The following AJAP1 variants were observed in gnomAD, a reference collection of about 807,000 sequenced individuals.
The protein encoded by AJAP1 is adherens junction-associated protein 1.
AJAP1 carries 5 observed loss-of-function variants against 35.0 expected under a neutral mutation model. The observed-to-expected ratio is 0.14, with a 90% CI of 0.07 to 0.30. AJAP1 has a LOEUF of 0.30. AJAP1 is among the 10% of genes least tolerant of loss of function. The pLI is 1.00. For synonymous variants in AJAP1, 284 were observed against 249.3 expected, an observed-to-expected ratio of 1.14 and a Z score of -1.31; for missense variants, 586 against 571.0, an observed-to-expected ratio of 1.03 and a Z score of -0.27.
chr1:4,727,657 G>T (rs1407991180), intron 2 of AJAP1, among the ~76,000 whole-genome samples: 3 of 152,214 alleles, frequency 2.0e-5, no homozygotes, highest in Non-Finnish European at 4.4e-5. Flanking sequence ...CTGCACCTCT[G>T]TGGAATCCCT....
rs559269335 is a variant in AJAP1 at position 4,711,886 on chromosome 1, TC to T, written c.30-7del. The T allele has an allele frequency of 2.1e-5, 31 of 1,444,960 alleles. No individual in the cohort carries two copies. The highest frequency in any genetic ancestry group is 3.0e-5 in the South Asian group (2 of 65,774). The allele number at this position is 1,444,960 out of a possible 1,614,324, so 89.5% of individuals were successfully genotyped here. Reference sequence around the variant, plus strand: ...TTCCACTGACCGCTCTTCTCTCCTTTCCCCCCCGCACAGCTCCATGTCCATC... The same window carrying T: ...TTCCACTGACCGCTCTTCTCTCCTTTCCCCCCGCACAGCTCCATGTCCATC... On this transcript the variant is annotated splice_polypyrimidine_tract_variant and intron_variant, in intron 1 of 5. Transcript: ENST00000378191.
chr1:4,721,258 A>G lies in AJAP1; in HGVS notation c.829+8559A>G, dbSNP rs570225161. ...TGACTCCAGGACTGTGGCACTTTCC[A>G]TGATTCTAGGGGTGCTCTTTGGGGC... is the stretch of plus-strand genomic sequence containing the variant. On this transcript the variant is annotated intron_variant, in intron 2 of 5. Coordinates refer to ENST00000378191, the MANE Select transcript of AJAP1 (RefSeq NM_018836.4). Among the ~76,000 whole-genome samples the G allele has an allele frequency of 3.3e-5, 5 of 152,256 alleles. No homozygotes were observed. The East Asian group carries it at 9.7e-4, about 30-fold the overall frequency.
At chr1:4,755,245 T>C (rs920333521) in intron 2 of AJAP1, among the ~76,000 whole-genome samples, 1 of 152,234 alleles carries the variant, frequency 6.6e-6, no homozygotes, top group African/African-American at 2.4e-5. Context: ...CAGCTGTTAC[T>C]GAATTTAACA....
Position 4,656,572 on chromosome 1 carries a change from G to A in AJAP1, c.29+1118G>A, listed in dbSNP as rs1638887108. On this transcript the variant is annotated intron_variant, in intron 1 of 5. Coordinates refer to ENST00000378191, the MANE Select transcript of AJAP1 (RefSeq NM_018836.4). This position sits in a 1 kb window ranked among gnomAD's most constrained non-coding sequence, Gnocchi z 5.7. ...GAAGCTGCGGGGGGAGTGAGGCGAA[G>A]GGAGGGAGGATCTAGTGCGTGTCCT... Among the ~76,000 whole-genome samples, 1 of 152,210 alleles carries A rather than the reference G, an allele frequency of 6.6e-6. No homozygotes were observed. The highest frequency in any genetic ancestry group is 6.5e-5 in the Admixed American group (1 of 15,288).
intron 1 of AJAP1, among the ~76,000 whole-genome samples, chr1:4,657,154 A>G (rs1265347569): frequency 6.6e-6 from 1 of 152,230 alleles, no homozygotes; most frequent in African/African-American, 2.4e-5. Flanking sequence ...ATTTTGATAA[A>G]GGGAGAGAAG....
chr1:4,738,802 A>G (rs1640991163), intron 2 of AJAP1, among the ~76,000 whole-genome samples: 1 of 152,148 alleles, frequency 6.6e-6, no homozygotes, highest in Admixed American at 6.5e-5. Context: ...TAGGACATGC[A>G]TGGACAAAAT....
chr1:4,732,062 T>C (rs931716940), intron 2 of AJAP1, among the ~76,000 whole-genome samples: 1 of 152,234 alleles, frequency 6.6e-6, no homozygotes, highest in Non-Finnish European at 1.5e-5. Flanking sequence ...GCCAGCAGGA[T>C]GTGCTCTTGG....
chr1:4,769,430 G>A (rs980105525), intron 2 of AJAP1, among the ~76,000 whole-genome samples: 1 of 152,190 alleles, frequency 6.6e-6, no homozygotes, highest in Non-Finnish European at 1.5e-5. Flanking sequence ...AACCGTTCCA[G>A]AATAGAAGTG....
intron 4 of AJAP1, among the ~76,000 whole-genome samples, chr1:4,773,395 G>A (rs1338872787): frequency 6.6e-6 from 1 of 152,180 alleles, no homozygotes; most frequent in Non-Finnish European, 1.5e-5. Flanking sequence ...CCCTGGAGAG[G>A]GAGGACTGCC....
chr1:4,766,817 T>G (rs1641695720), intron 2 of AJAP1, among the ~76,000 whole-genome samples: 1 of 152,174 alleles, frequency 6.6e-6, no homozygotes, highest in Non-Finnish European at 1.5e-5. Context: ...CAGGCTCTGC[T>G]TGCTGACCAG....
At chr1:4,739,097 G>T (rs1640997656) in intron 2 of AJAP1, among the ~76,000 whole-genome samples, 1 of 152,170 alleles carries the variant, frequency 6.6e-6, no homozygotes, top group African/African-American at 2.4e-5. Context: ...TGAGACTCCT[G>T]GTACCTGGAG....
intron 2 of AJAP1, among the ~76,000 whole-genome samples, chr1:4,726,322 A>G (rs1182605799): frequency 6.6e-6 from 1 of 152,162 alleles, no homozygotes; most frequent in Admixed American, 6.5e-5. Flanking sequence ...CACAGTGGCC[A>G]GGGTTTATGT....
At chr1:4,715,089 G>A (rs116631521) in intron 2 of AJAP1, among the ~76,000 whole-genome samples, 40 of 152,324 alleles carry the variant, frequency 2.6e-4, no homozygotes, top group African/African-American at 9.4e-4. Context: ...TGGAAGGAGT[G>A]CTGGGACAGA....
At position 4,692,930 on chromosome 1, in the gene AJAP1, C is replaced by G. The variant is rs1356841983; in HGVS notation, c.30-18970C>G. 3.9e-5 allele frequency among the ~76,000 whole-genome samples: 6 copies of G among 152,192 alleles called. No homozygotes were observed. The highest frequency in any genetic ancestry group is 8.8e-5 in the Non-Finnish European group (6 of 68,042). Reference sequence around the variant, plus strand: ...GACGAGGTGTGCCCCATTCTGGAACCCAGTGCTCATTGCAGCTGCTTTATT... The same window carrying G: ...GACGAGGTGTGCCCCATTCTGGAACGCAGTGCTCATTGCAGCTGCTTTATT... On this transcript the variant is annotated intron_variant, in intron 1 of 5. Coordinates refer to ENST00000378191, the MANE Select transcript of AJAP1 (RefSeq NM_018836.4). This position sits in a 1 kb window ranked among gnomAD's most constrained non-coding sequence, Gnocchi z 4.4.
intron 1 of AJAP1, among the ~76,000 whole-genome samples, chr1:4,659,703 A>T (rs1638960482): frequency 1.3e-5 from 2 of 152,138 alleles, no homozygotes; most frequent in South Asian, 2.1e-4. Flanking sequence ...TTACTATATG[A>T]TGATTTCATA....
intron 2 of AJAP1, among the ~76,000 whole-genome samples, chr1:4,756,263 C>G (rs1285394576): frequency 6.6e-6 from 1 of 152,184 alleles, no homozygotes; most frequent in Non-Finnish European, 1.5e-5. Context: ...AGGGGCTTGG[C>G]CCTGCCGAAA....
intron 2 of AJAP1, among the ~76,000 whole-genome samples, chr1:4,756,876 G>A (rs1641443744): frequency 6.6e-6 from 1 of 152,128 alleles, no homozygotes; most frequent in Non-Finnish European, 1.5e-5. Context: ...TCTTTGGGGA[G>A]GGTAGGGAGC....
intron 3 of AJAP1, among the ~76,000 whole-genome samples, chr1:4,771,040 G>T (rs1456690733): frequency 6.6e-6 from 1 of 152,096 alleles, no homozygotes; most frequent in Non-Finnish European, 1.5e-5. Flanking sequence ...AATCCCACTG[G>T]CCATCTCGGT....
chr1:4,773,002 A>G (rs910032798), intron 4 of AJAP1, among the ~76,000 whole-genome samples: 4 of 152,102 alleles, frequency 2.6e-5, no homozygotes, highest in Non-Finnish European at 5.9e-5. Flanking sequence ...ACGTTACTAA[A>G]TGCTCCTCCT....
Sources: gnomAD v4.1 joint callset for allele counts (sites outside exome capture counted in the v4.1 genomes callset) on GRCh38, gnomAD v4.1.1 for gene constraint, Gnocchi (gnomAD v3.1) non-coding constraint, MANE v1.5 for transcripts, NCBI Gene and HGNC (gene_info 2026-07-23, HGNC 2026-07-21) for gene names.